Variants in DPP6 observed in about 807,000 individuals in gnomAD.
DPP6 encodes dipeptidyl peptidase like 6.
DPP6 carries 69 observed loss-of-function variants against 122.6 expected under a neutral mutation model. That is an observed-to-expected ratio of 0.56 (90% CI 0.46 to 0.69). The LOEUF is 0.69. DPP6 is among the 30% of genes least tolerant of loss of function. The pLI is 0.00. For missense variants in DPP6, 928 were observed against 1,116.9 expected (o/e 0.83, Z 2.41); for synonymous variants, 418 against 433.1 (o/e 0.97, Z 0.43).
chr7:154,833,158 T>G lies in DPP6; in HGVS notation c.1667-20622T>G, dbSNP rs1340148335. Among the ~76,000 whole-genome samples, 3 of 147,478 alleles carry G rather than the reference T, an allele frequency of 2.0e-5. No homozygotes were observed. The highest frequency in any genetic ancestry group is 6.6e-5 in the Admixed American group (1 of 15,136). On this transcript the variant is annotated intron_variant, in intron 16 of 25. Transcript: ENST00000377770. The surrounding 1 kb of genome is among the most constrained non-coding windows in gnomAD (Gnocchi z 4.3). ...AAGTGGAGGCATCTCACTCACGCCA[T>G]GCAAGCAGCCTGGGCTCCGATGCAC...
chr7:154,538,185 A>T (rs1828422105), intron 3 of DPP6, among the ~76,000 whole-genome samples: 1 of 152,204 alleles, frequency 6.6e-6, no homozygotes, highest in South Asian at 2.1e-4. Context: ...TTCCGTAGAA[A>T]CAAGCAGGTT....
chr7:153,926,532 A>G (rs144306602), intron 1 of DPP6, among the ~76,000 whole-genome samples: 2 of 152,286 alleles, frequency 1.3e-5, no homozygotes, highest in East Asian at 1.9e-4. Context: ...TTTAGATGGT[A>G]CAGGTGTCAG....
chr7:153,798,005 C>G, the DPP6 span, among the ~76,000 whole-genome samples: 2 of 152,122 alleles, frequency 1.3e-5, no homozygotes, highest in African/African-American at 4.8e-5. Context: ...CCATGCCCAG[C>G]TAATTTTTTT....
At chr7:154,292,305 C>T (rs1805260598) in intron 1 of DPP6, among the ~76,000 whole-genome samples, 1 of 152,172 alleles carries the variant, frequency 6.6e-6, no homozygotes, top group African/African-American at 2.4e-5. Flanking sequence ...TCTGTCATCC[C>T]ACGCAGGGTG....
At chr7:154,377,901 T>C (rs373871394) in intron 1 of DPP6, among the ~76,000 whole-genome samples, 1 of 152,358 alleles carries the variant, frequency 6.6e-6, no homozygotes, top group East Asian at 1.9e-4. Flanking sequence ...ACTTGGGCAC[T>C]GCATGGATTT....
At chr7:153,887,646 T>C (rs879170738) in exon 1 of DPP6, 2 of 1,612,706 alleles carry the variant, frequency 1.2e-6, no homozygotes, top group Admixed American at 1.7e-5. Context: ...TAAGTTTCTC[T>C]TCCCTGGACC....
In DPP6 at chr7:154,124,270, G is replaced by A. The variant is rs1807716209; in HGVS notation, c.243+71207G>A. ...GAGAAAATGATCTGTGACAGAGCTG[G>A]TAGTTAAGGAAGAATCCCTTGGCTG... On this transcript the variant is annotated intron_variant, in intron 1 of 25. Transcript: ENST00000377770. 2.0e-5 allele frequency among the ~76,000 whole-genome samples: 3 copies of A among 152,354 alleles called. No homozygotes were observed. The South Asian group carries it at 6.2e-4, about 32-fold the overall frequency.
chr7:154,640,999 A>G (rs144738800), intron 6 of DPP6, among the ~76,000 whole-genome samples: 130 of 152,144 alleles, frequency 8.5e-4, no homozygotes, highest in African/African-American at 2.8e-3. Flanking sequence ...GCCAGAGAAA[A>G]TGGTCTAATT....
chr7:154,045,544 G>A (rs2533757), intron 1 of DPP6, among the ~76,000 whole-genome samples: 2 of 152,224 alleles, frequency 1.3e-5, no homozygotes, highest in South Asian at 2.1e-4. Flanking sequence ...TGATGCTTTC[G>A]CTGTTGGTCC....
chr7:154,608,905 A>G (rs1475614857), intron 5 of DPP6, among the ~76,000 whole-genome samples: 2 of 152,028 alleles, frequency 1.3e-5, no homozygotes, highest in African/African-American at 2.4e-5. Context: ...GGTAGATGGA[A>G]TTTTCTAGTT....
chr7:154,059,999 GA>G (rs1351288267), intron 1 of DPP6, among the ~76,000 whole-genome samples: 1 of 151,852 alleles, frequency 6.6e-6, no homozygotes, highest in Non-Finnish European at 1.5e-5. Context: ...TGGCTGTTGG[GA>G]CCCGCATCGC....
chr7:153,815,002 A>G, the DPP6 span, among the ~76,000 whole-genome samples: 21 of 150,386 alleles, frequency 1.4e-4, no homozygotes, highest in East Asian at 3.3e-3. Flanking sequence ...AGCCAGTATC[A>G]TACTGAATGG....
At chr7:154,826,583 G>C (rs1176426284) in intron 16 of DPP6, among the ~76,000 whole-genome samples, 1 of 152,206 alleles carries the variant, frequency 6.6e-6, no homozygotes, top group Non-Finnish European at 1.5e-5. Flanking sequence ...ATGTGCTAGA[G>C]CTACAAATCA....
At chr7:153,881,260 G>A in the DPP6 span, among the ~76,000 whole-genome samples, 4 of 152,216 alleles carry the variant, frequency 2.6e-5, no homozygotes, top group Non-Finnish European at 2.9e-5. Flanking sequence ...GTAAATATGT[G>A]TGATAAGTTG....
At chr7:154,430,030 A>C (rs990010361) in intron 1 of DPP6, among the ~76,000 whole-genome samples, 2 of 151,396 alleles carry the variant, frequency 1.3e-5, no homozygotes, top group African/African-American at 4.9e-5. Flanking sequence ...GTTTCCATCC[A>C]CCCTCCCAGT....
intron 1 of DPP6, among the ~76,000 whole-genome samples, chr7:154,326,306 T>A (rs1808439988): frequency 6.6e-6 from 1 of 152,108 alleles, no homozygotes; most frequent in Admixed American, 6.5e-5. Context: ...GGTCCCTGTC[T>A]AGAAACATGA....
Position 154,241,464 on chromosome 7 carries a change from GCAGGAGAATCGCTTGAACC to G in DPP6, c.243+188410_243+188428del, listed in dbSNP as rs1355063880. Among the ~76,000 whole-genome samples the G allele has an allele frequency of 1.3e-5, 2 of 151,966 alleles. No individual in the cohort carries two copies. The highest frequency in any genetic ancestry group is 2.9e-5 in the Non-Finnish European group (2 of 68,026). The stretch of plus-strand genomic sequence containing the variant: ...AGTCCTGGCTATTTGGGAGGCGGAG[GCAGGAGAATCGCTTGAACC>G]CAGGAGAAGGAGGTTGCAGTGAGTT... On this transcript the variant is annotated intron_variant, in intron 1 of 25. Coordinates refer to ENST00000377770, the MANE Select transcript of DPP6 (RefSeq NM_130797.4). The surrounding 1 kb of genome is among the most constrained non-coding windows in gnomAD (Gnocchi z 9.0).
intron 7 of DPP6, among the ~76,000 whole-genome samples, chr7:154,677,279 C>T (rs1838972111): frequency 6.6e-6 from 1 of 152,048 alleles, no homozygotes; most frequent in East Asian, 1.9e-4. Context: ...CTTCCTTTAC[C>T]TACCCATGAG....
At chr7:154,362,918 G>A (rs945814659) in intron 1 of DPP6, among the ~76,000 whole-genome samples, 8 of 152,160 alleles carry the variant, frequency 5.3e-5, no homozygotes, top group Non-Finnish European at 1.2e-4. Flanking sequence ...CTTCGTCCCT[G>A]CACCAACCAT....
Sources: allele counts gnomAD v4.1 joint callset (sites outside exome capture counted in the v4.1 genomes callset), GRCh38; gene constraint gnomAD v4.1.1; non-coding constraint Gnocchi (gnomAD v3.1); transcripts MANE v1.5; gene names NCBI Gene and HGNC (gene_info 2026-07-23, HGNC 2026-07-21).